LATS2: variants seen among roughly 807,000 people sequenced by gnomAD.
LATS2 encodes the protein serine/threonine-protein kinase LATS2.
In LATS2, 24 loss-of-function variants were observed where a neutral mutation model predicts 76.0. The observed-to-expected ratio is 0.32, with a 90% CI of 0.23 to 0.44. LATS2 has a LOEUF of 0.44. LATS2 is among the 20% of genes least tolerant of loss of function. The probability of loss-of-function intolerance (pLI) is 1.00; values close to 1 mark genes in which losing one functional copy is unlikely to be tolerated. For synonymous variants in LATS2, 692 were observed against 635.4 expected (o/e 1.09, Z -1.34); for missense variants, 1,286 against 1,481.2 (o/e 0.87, Z 2.16).
intron 2 of LATS2, among the ~76,000 whole-genome samples, chr13:20,997,137 G>A (rs1261097011): frequency 6.6e-6 from 1 of 152,160 alleles, no homozygotes; most frequent in East Asian, 1.9e-4. Flanking sequence ...AAGAGATTGG[G>A]GAGGGACTGA....
intron 2 of LATS2, among the ~76,000 whole-genome samples, chr13:21,010,327 C>T (rs893525967): frequency 6.6e-6 from 1 of 152,112 alleles, no homozygotes; most frequent in East Asian, 1.9e-4. Flanking sequence ...ACACACCCTG[C>T]AGATCTGAAG....
At chr13:20,978,278 C>T (rs1869717845) in intron 7 of LATS2, among the ~76,000 whole-genome samples, 2 of 151,894 alleles carry the variant, frequency 1.3e-5, no homozygotes, top group African/African-American at 2.4e-5. Context: ...AACCACATGC[C>T]CTGGTGGCTC....
At chr13:21,053,725 A>C (rs972588127) in intron 1 of LATS2, among the ~76,000 whole-genome samples, 6 of 152,208 alleles carry the variant, frequency 3.9e-5, no homozygotes, top group African/African-American at 1.4e-4. Context: ...GAACTATGGC[A>C]TATTATTCAG....
chr13:21,055,310 A>T (rs1007984602), intron 1 of LATS2, among the ~76,000 whole-genome samples: 2 of 17,816 alleles, frequency 1.1e-4, no homozygotes, highest in Non-Finnish European at 4.8e-4. Flanking sequence ...GTGGACTTTA[A>T]AAAAAATGGG....
At chr13:21,037,135 C>A (rs557690171) in intron 2 of LATS2, among the ~76,000 whole-genome samples, 10 of 152,200 alleles carry the variant, frequency 6.6e-5, no homozygotes, top group African/African-American at 1.9e-4. Flanking sequence ...CCGGGTGTGG[C>A]GGCTCAGGCC....
rs139376660 is a variant in LATS2 at position 21,034,912 on chromosome 13, C to T, written c.342+10773G>A. Among the ~76,000 whole-genome samples the T allele has an allele frequency of 8.4e-3, 1,276 of 151,980 alleles. 12 individuals are homozygous for T. Among genetic ancestry groups the T allele is most frequent in the African/African-American group, 0.03 (1,227 of 41,456 alleles). On this transcript the variant is annotated intron_variant, in intron 2 of 7. Transcript: ENST00000382592. ...AAATTTAACTATGAAAAAAATCTCC[C>T]CTCTAAATACACTACTACAAAATAT...
chr13:20,980,145 A>G (rs1289852260), intron 6 of LATS2, among the ~76,000 whole-genome samples: 3 of 152,250 alleles, frequency 2.0e-5, no homozygotes, highest in African/African-American at 7.2e-5. Context: ...ACTGAAAAAC[A>G]TAAAGTGCTA....
chr13:21,030,577 GA>G (rs1239175432), intron 2 of LATS2, among the ~76,000 whole-genome samples: 4 of 117,392 alleles, frequency 3.4e-5, no homozygotes, highest in African/African-American at 1.4e-4. Flanking sequence ...CGACAAGAGT[GA>G]GAGACTCCGT....
intron 1 of LATS2, among the ~76,000 whole-genome samples, chr13:21,050,234 G>A (rs1873227513): frequency 1.3e-5 from 2 of 151,846 alleles, no homozygotes; most frequent in South Asian, 2.1e-4. Flanking sequence ...GAGGGGGTAG[G>A]GGCAATCCAC....
chr13:21,030,075 G>T (rs1389190184), intron 2 of LATS2, among the ~76,000 whole-genome samples: 3 of 151,572 alleles, frequency 2.0e-5, no homozygotes, highest in Non-Finnish European at 4.4e-5. Context: ...ACTGAGCTGA[G>T]ATTGAGTCAC....
intron 2 of LATS2, among the ~76,000 whole-genome samples, chr13:21,019,871 G>T (rs1312269990): frequency 6.6e-6 from 1 of 151,228 alleles, no homozygotes; most frequent in East Asian, 2.0e-4. Context: ...CTACTCGGGA[G>T]GCTGAGGAAG....
intron 1 of LATS2, among the ~76,000 whole-genome samples, chr13:21,052,472 AC>A (rs1056917464): frequency 4.6e-5 from 7 of 152,184 alleles, no homozygotes; most frequent in Non-Finnish European, 8.8e-5. Flanking sequence ...TGCCTCAGCC[AC>A]CCGAGTAACT....
At position 20,973,956 on chromosome 13, in the gene LATS2, G is replaced by T. The variant is rs189640223; in HGVS notation, c.*914C>A. 259 of 201,424 alleles carry T rather than the reference G, an allele frequency of 1.3e-3. 4 individuals carry two copies. Among genetic ancestry groups the T allele is most frequent in the Non-Finnish European group, 2.4e-4 (25 of 103,630 alleles). 12.5% of individuals were successfully genotyped at this position (201,424 alleles called of 1,614,324 possible). A position where few individuals can be genotyped will look rare whatever the true frequency, so the allele number is the denominator to read the frequency against. On this transcript the variant is annotated 3_prime_UTR_variant, in exon 8 of 8. Coordinates refer to ENST00000382592, the MANE Select transcript of LATS2 (RefSeq NM_014572.3). ...TTTGATGTATATAAGTTCAGTATAT[G>T]ACAAATGTTTCAGTTCCCCCCCCCC...
intron 7 of LATS2, among the ~76,000 whole-genome samples, chr13:20,978,105 C>T (rs1053299587): frequency 9.9e-5 from 15 of 152,092 alleles, no homozygotes; most frequent in African/African-American, 3.1e-4. Flanking sequence ...TCAGTAGAGA[C>T]GGGGTTTCAC....
At chr13:21,046,984 A>C (rs549738360) in intron 1 of LATS2, among the ~76,000 whole-genome samples, 1 of 152,308 alleles carries the variant, frequency 6.6e-6, no homozygotes, top group South Asian at 2.1e-4. Context: ...CTCAGAGTGC[A>C]CCATGGCCAC....
intron 2 of LATS2, among the ~76,000 whole-genome samples, chr13:21,041,026 A>G (rs997409927): frequency 8.6e-5 from 13 of 151,508 alleles, no homozygotes; most frequent in Non-Finnish European, 1.2e-4. Context: ...AGGCTGGAGT[A>G]CAGTGGCACG....
At position 20,996,723 on chromosome 13, in the gene LATS2, T is replaced by C. The variant is rs543325523; in HGVS notation, c.343-5319A>G. Among the ~76,000 whole-genome samples the C allele has an allele frequency of 6.6e-5, 10 of 152,204 alleles. 1 individual carries two copies. In the East Asian group the frequency reaches 1.7e-3, roughly 26 times the overall value. On this transcript the variant is annotated intron_variant, in intron 2 of 7. Transcript: ENST00000382592. ...TACTTTGAAGGCAGAACTGATACTA[T>C]TATTCACACTCCATATCAAATTCAG...
intron 2 of LATS2, among the ~76,000 whole-genome samples, chr13:21,044,679 G>A (rs1396148146): frequency 6.9e-6 from 1 of 144,632 alleles, no homozygotes; most frequent in Non-Finnish European, 1.5e-5. Context: ...GTATGGCTAT[G>A]AGGTGTAGGG....
At chr13:20,997,234 C>T (rs498032) in intron 2 of LATS2, among the ~76,000 whole-genome samples, 150,446 of 152,356 alleles carry the variant, frequency 0.99, 74,307 homozygotes, top group East Asian at 1. Context: ...GTGAATTACA[C>T]ATGAATAAAG....
Sources: gnomAD v4.1 joint callset for allele counts (sites outside exome capture counted in the v4.1 genomes callset) on GRCh38, gnomAD v4.1.1 for gene constraint, MANE v1.5 for transcripts, NCBI Gene and HGNC (gene_info 2026-07-23, HGNC 2026-07-21) for gene names.